The following RNF187 variants were observed in gnomAD, a reference collection of about 807,000 sequenced individuals.
RNF187 encodes E3 ubiquitin-protein ligase RNF187.
In RNF187, 18 loss-of-function variants were observed where a neutral mutation model predicts 22.2. The observed-to-expected ratio is 0.81, with a 90% CI of 0.56 to 1.20. The LOEUF (loss-of-function observed/expected upper bound fraction) is 1.20. RNF187 is among the 50% of genes most tolerant of loss of function. The probability of loss-of-function intolerance (pLI) is 0.00; values close to 1 mark genes in which losing one functional copy is unlikely to be tolerated. For missense variants in RNF187, 329 were observed against 317.6 expected, an observed-to-expected ratio of 1.04 and a Z score of -0.27; for synonymous variants, 164 against 140.9, an observed-to-expected ratio of 1.16 and a Z score of -1.16.
Position 228,494,778 on chromosome 1 carries a change from A to G in RNF187, c.*893A>G. The G allele has an allele frequency of 1.0e-6, 1 of 985,518 alleles. No homozygotes were observed. Among genetic ancestry groups the G allele is most frequent in the Non-Finnish European group, 1.2e-6 (1 of 829,986 alleles). 61.0% of individuals were successfully genotyped at this position (985,518 alleles called of 1,614,324 possible). On this transcript the variant is annotated 3_prime_UTR_variant, in exon 4 of 4. Transcript: ENST00000305943. ...TCGACAGAAACTCAGCACTGGGGACAGGATTGCAAAGTCGGGGACATAGAT... is the reference window on the plus strand; with the variant it reads ...TCGACAGAAACTCAGCACTGGGGACGGGATTGCAAAGTCGGGGACATAGAT...
In RNF187 at chr1:228,494,119, C is replaced by T; in HGVS notation, c.*234C>T. 1.1e-5 allele frequency: 16 copies of T among 1,440,200 alleles called. No homozygotes were observed. The highest frequency in any genetic ancestry group is 8.6e-5 in the African/African-American group (6 of 69,936). The allele number at this position is 1,440,200 out of a possible 1,614,324, so 89.2% of individuals were successfully genotyped here. A position where few individuals can be genotyped will look rare whatever the true frequency, so the allele number is the denominator to read the frequency against. On this transcript the variant is annotated 3_prime_UTR_variant, in exon 4 of 4. Coordinates refer to ENST00000305943, the MANE Select transcript of RNF187 (RefSeq NM_001010858.3). ...CCTGAGGACCCTTCCCACCTGTGCC[C>T]GTCCCTTCCTGAAGTCCTAGCCACA...
In RNF187 at chr1:228,495,480, C is replaced by A; in HGVS notation, c.*1595C>A. On this transcript the variant is annotated 3_prime_UTR_variant, in exon 4 of 4. Coordinates refer to ENST00000305943, the MANE Select transcript of RNF187 (RefSeq NM_001010858.3). Reference sequence around the variant, plus strand: ...GCCAAGTAGAGAATCTTTGTCAGCACGCCAACAACATCCCGACCCTGAGAC... The same window carrying A: ...GCCAAGTAGAGAATCTTTGTCAGCAAGCCAACAACATCCCGACCCTGAGAC... The A allele has an allele frequency of 1.0e-6, 1 of 985,412 alleles. No homozygotes were observed. The highest frequency in any genetic ancestry group is 1.2e-6 in the Non-Finnish European group (1 of 829,930). The allele number at this position is 985,412 out of a possible 1,614,324, so 61.0% of individuals were successfully genotyped here. A position where few individuals can be genotyped will look rare whatever the true frequency, so the allele number is the denominator to read the frequency against.
In RNF187 at chr1:228,493,261, G is replaced by C; in HGVS notation, c.692G>C (p.Ser231Thr). 1.3e-6 allele frequency: 2 copies of C among 1,550,144 alleles called. No homozygotes were observed. The highest frequency in any genetic ancestry group is 3.9e-5 in the Admixed American group (2 of 50,994). The change falls in exon 3 of 4, where the codon AGC (serine) becomes ACC (threonine). Residue 231 changes from serine to threonine, a missense_variant. Coordinates refer to ENST00000305943, the MANE Select transcript of RNF187 (RefSeq NM_001010858.3). This position sits in a 1 kb window ranked among gnomAD's most constrained non-coding sequence, Gnocchi z 4.7. ...AAGAAGCATCGCAACCTGGGCCTCA[G>C]CATGCTGCTGCAGGTGCGGGAGCCC...
In RNF187 at chr1:228,493,896, C is replaced by G; in HGVS notation, c.*11C>G. On this transcript the variant is annotated 3_prime_UTR_variant, in exon 4 of 4. Coordinates refer to ENST00000305943, the MANE Select transcript of RNF187 (RefSeq NM_001010858.3). This position sits in a 1 kb window ranked among gnomAD's most constrained non-coding sequence, Gnocchi z 4.7. ...CCTCCCATGCAGTGATGGCGCCAAC[C>G]CGTGGCAGTCCCAGAGCTGGAGGCA... 6.4e-7 allele frequency: 1 copy of G among 1,551,752 alleles called. No individual in the cohort carries two copies. Among genetic ancestry groups the G allele is most frequent in the East Asian group, 2.4e-5 (1 of 40,920 alleles).
At position 228,495,301 on chromosome 1, in the gene RNF187, T is replaced by G; in HGVS notation, c.*1416T>G. 2.6e-5 allele frequency: 7 copies of G among 267,174 alleles called. No individual in the cohort carries two copies. Among genetic ancestry groups the G allele is most frequent in the African/African-American group, 1.4e-4 (6 of 43,586 alleles). The allele number at this position is 267,174 out of a possible 1,614,324, so 16.6% of individuals were successfully genotyped here. ...GCAGGCAGGCAGGGCGATCAGACAT[T>G]GGCTGCAAACGGTCAGAGAGGAACC... On this transcript the variant is annotated 3_prime_UTR_variant, in exon 4 of 4. Transcript: ENST00000305943.
chr1:228,491,346 C>A, intron 2 of RNF187, among the ~76,000 whole-genome samples: 1 of 135,842 alleles, frequency 7.4e-6, no homozygotes, highest in African/African-American at 2.8e-5. Context: ...TGTGATGGCA[C>A]CACTGCACTC....
chr1:228,495,702 C>T lies in RNF187; in HGVS notation c.*1817C>T. The T allele has an allele frequency of 1.0e-6, 1 of 985,640 alleles. No homozygotes were observed. The highest frequency in any genetic ancestry group is 1.2e-6 in the Non-Finnish European group (1 of 829,936). 61.1% of individuals were successfully genotyped at this position (985,640 alleles called of 1,614,324 possible). On this transcript the variant is annotated 3_prime_UTR_variant, in exon 4 of 4. Transcript: ENST00000305943. ...CTCACCTAACCTAGCTGACCAGCAA[C>T]ATCCCACCCTGTCAATCACAACCTC...
chr1:228,495,607 G>A lies in RNF187; in HGVS notation c.*1722G>A. The stretch of plus-strand genomic sequence containing the variant: ...ACACCTGTGATGCTTGCCCGGACAG[G>A]TCCTGATGGCAGAGTCTCCCACAAC... On this transcript the variant is annotated 3_prime_UTR_variant, in exon 4 of 4. Transcript: ENST00000305943. The A allele has an allele frequency of 2.0e-6, 2 of 985,438 alleles. No individual in the cohort carries two copies. The highest frequency in any genetic ancestry group is 2.4e-6 in the Non-Finnish European group (2 of 829,966). 61.0% of individuals were successfully genotyped at this position (985,438 alleles called of 1,614,324 possible). A position where few individuals can be genotyped will look rare whatever the true frequency, so the allele number is the denominator to read the frequency against.
intron 2 of RNF187, among the ~76,000 whole-genome samples, chr1:228,491,238 AAATT>A: frequency 6.6e-6 from 1 of 151,568 alleles, no homozygotes; most frequent in Non-Finnish European, 1.5e-5. Flanking sequence ...AAAAATTAAT[AAATT>A]AGCCAGGTAT....
chr1:228,494,833 C>T lies in RNF187; in HGVS notation c.*948C>T. On this transcript the variant is annotated 3_prime_UTR_variant, in exon 4 of 4. Transcript: ENST00000305943. ...ACAGTTGTTGAGATTTGGGGATAGC[C>T]GGGCTTGTGAGCGGTGCCCATTTCC... The T allele has an allele frequency of 2.0e-5, 20 of 985,420 alleles. No individual in the cohort carries two copies. Among genetic ancestry groups the T allele is most frequent in the African/African-American group, 7.0e-5 (4 of 57,334 alleles). 61.0% of individuals were successfully genotyped at this position (985,420 alleles called of 1,614,324 possible).
chr1:228,491,503 C>T, intron 2 of RNF187, among the ~76,000 whole-genome samples: 8 of 148,740 alleles, frequency 5.4e-5, no homozygotes, highest in African/African-American at 1.0e-4. Context: ...TGCAGTGGTG[C>T]GATCTTGCCT....
At chr1:228,490,478 A>G in intron 2 of RNF187, among the ~76,000 whole-genome samples, 1 of 152,252 alleles carries the variant, frequency 6.6e-6, no homozygotes, top group African/African-American at 2.4e-5. Context: ...TGTTTTGCCC[A>G]CAGATTTTAG....
intron 1 of RNF187, 27 bp from the exon 2 acceptor site, chr1:228,488,933 C>G: frequency 6.5e-7 from 1 of 1,534,408 alleles, no homozygotes; most frequent in Non-Finnish European, 8.8e-7. Flanking sequence ...CTTCTGCCCA[C>G]CCCTGGTGAC....
chr1:228,493,797 C>G lies in RNF187; in HGVS notation c.706-86C>G. 7.1e-7 allele frequency: 1 copy of G among 1,409,746 alleles called. No homozygotes were observed. The allele number at this position is 1,409,746 out of a possible 1,614,324, so 87.3% of individuals were successfully genotyped here. On this transcript the variant is annotated intron_variant, in intron 3 of 3. Transcript: ENST00000305943. This position sits in a 1 kb window ranked among gnomAD's most constrained non-coding sequence, Gnocchi z 4.7. ...GCTGTCTCATGTGCGCTCTCTCTTT[C>G]GCTCTCTCCTTTTGCCTCTGTCTCT...
chr1:228,491,757 A>G, intron 2 of RNF187, among the ~76,000 whole-genome samples: 9 of 152,118 alleles, frequency 5.9e-5, no homozygotes. Flanking sequence ...TTAATTTAAC[A>G]CAAGTTTTAT....
Position 228,493,897 on chromosome 1 carries a change from C to G in RNF187, c.*12C>G. ...CTCCCATGCAGTGATGGCGCCAACC[C>G]GTGGCAGTCCCAGAGCTGGAGGCAG... On this transcript the variant is annotated 3_prime_UTR_variant, in exon 4 of 4. Coordinates refer to ENST00000305943, the MANE Select transcript of RNF187 (RefSeq NM_001010858.3). The surrounding 1 kb of genome is among the most constrained non-coding windows in gnomAD (Gnocchi z 4.7). 3.2e-6 allele frequency: 5 copies of G among 1,551,630 alleles called. No individual in the cohort carries two copies. The highest frequency in any genetic ancestry group is 1.4e-5 in the African/African-American group (1 of 73,046).
At chr1:228,491,404 A>AAAAT in intron 2 of RNF187, among the ~76,000 whole-genome samples, 1 of 144,126 alleles carries the variant, frequency 6.9e-6, no homozygotes, top group African/African-American at 2.5e-5. Flanking sequence ...AAAAAAAAAA[A>AAAAT]AAAAATAAAG....
chr1:228,491,216 C>G, intron 2 of RNF187, among the ~76,000 whole-genome samples: 1 of 151,540 alleles, frequency 6.6e-6, no homozygotes, highest in African/African-American at 2.4e-5. Flanking sequence ...ATAGTGAGAC[C>G]ACCATCTGTA....
chr1:228,492,694 C>T, intron 2 of RNF187, among the ~76,000 whole-genome samples: 20 of 130,326 alleles, frequency 1.5e-4, no homozygotes, highest in African/African-American at 5.7e-4. Flanking sequence ...AGCATGAACT[C>T]GGGCTCACTG....
Sources: gnomAD v4.1 joint callset for allele counts (sites outside exome capture counted in the v4.1 genomes callset) on GRCh38, gnomAD v4.1.1 for gene constraint, Gnocchi (gnomAD v3.1) non-coding constraint, MANE v1.5 for transcripts, NCBI Gene and HGNC (gene_info 2026-07-23, HGNC 2026-07-21) for gene names.